SMPX: variants seen among roughly 807,000 people sequenced by gnomAD.
SMPX encodes the protein small muscle protein X-linked, also known as small muscular protein.
A neutral mutation model predicts 6.3 loss-of-function variants in SMPX; 2 were observed. The observed-to-expected ratio is 0.32, with a 90% confidence interval of 0.13 to 0.99. SMPX has a LOEUF of 0.99. SMPX is among the 50% of genes least tolerant of loss of function. SMPX has a pLI of 0.49. For missense variants in SMPX, 60 were observed against 66.8 expected, an observed-to-expected ratio of 0.90 and a Z score of 0.36; for synonymous variants, 32 against 24.7, an observed-to-expected ratio of 1.30 and a Z score of -0.88.
chrX:21,724,369 GTGTGTA>G (rs2014940601), intron 4 of SMPX, among the ~76,000 whole-genome samples: 1 of 112,502 alleles, frequency 8.9e-6, no homozygotes, highest in Non-Finnish European at 1.9e-5. Flanking sequence ...GTGCATGTGT[GTGTGTA>G]TGTGTATGTG....
chrX:21,754,210 T>G (rs750668242), intron 2 of SMPX, 36 bp downstream of exon 2: 2 of 1,173,403 alleles, frequency 1.7e-6, no homozygotes, highest in Non-Finnish European at 2.3e-6. Flanking sequence ...ATATGACTTA[T>G]TAAGCAACCA....
At chrX:21,748,291 C>A (rs1235903441) in intron 2 of SMPX, among the ~76,000 whole-genome samples, 1 of 111,986 alleles carries the variant, frequency 8.9e-6, no homozygotes, top group South Asian at 3.7e-4. Context: ...TCTACTTTGC[C>A]ACTGTTCTTC....
intron 4 of SMPX, among the ~76,000 whole-genome samples, chrX:21,715,297 TGTGTGTGCGCGCACGC>T (rs1050565507): frequency 1.0e-5 from 1 of 97,428 alleles, no homozygotes; most frequent in African/African-American, 5.0e-5. Context: ...TGTGTGTGTG[TGTGTGTGCGCGCACGC>T]GCGCGCGCTC....
At chrX:21,715,896 A>G (rs749303880) in intron 4 of SMPX, among the ~76,000 whole-genome samples, 75 of 111,359 alleles carry the variant, frequency 6.7e-4, no homozygotes, top group Non-Finnish European at 1.2e-3. Context: ...GCCTGGCCCA[A>G]TTGTCAATAG....
chrX:21,729,661 G>C (rs768778375), intron 4 of SMPX, among the ~76,000 whole-genome samples: 1 of 111,527 alleles, frequency 9.0e-6, no homozygotes, highest in Admixed American at 9.6e-5. Context: ...AATTGGGTTC[G>C]GAGTCACCTC....
At chrX:21,715,290 G>A (rs1213319772) in intron 4 of SMPX, among the ~76,000 whole-genome samples, 7 of 101,899 alleles carry the variant, frequency 6.9e-5, no homozygotes, top group African/African-American at 3.0e-4. Flanking sequence ...GTGTGTGTGT[G>A]TGTGTGTGTG....
At chrX:21,733,252 C>T (rs768307942) in intron 4 of SMPX, among the ~76,000 whole-genome samples, 2 of 111,946 alleles carry the variant, frequency 1.8e-5, no homozygotes, top group East Asian at 5.6e-4. Context: ...CCAACTCATT[C>T]TCATTTACTG....
rs138935347 is a variant in SMPX at position 21,718,432 on chromosome X, C to T, written c.*15-12038G>A. Among the ~76,000 whole-genome samples the T allele has an allele frequency of 2.5e-3, 286 of 112,160 alleles. 2 individuals are homozygous for T. Among genetic ancestry groups the T allele is most frequent in the Middle Eastern group, 0.014 (3 of 218 alleles). On this transcript the variant is annotated intron_variant, in intron 4 of 4. Transcript: ENST00000379494. The stretch of plus-strand genomic sequence containing the variant: ...TCACTGAAGCATTTCAGTTCCAGAT[C>T]TCAAACTTCCATCGAGGGCTGAGGA...
chrX:21,718,743 G>T (rs6633437), intron 4 of SMPX, among the ~76,000 whole-genome samples: 1 of 111,791 alleles, frequency 8.9e-6, no homozygotes, highest in African/African-American at 3.3e-5. Flanking sequence ...AAATGGAACT[G>T]AGGAGAGAAG....
At position 21,737,459 on chromosome X, in the gene SMPX, T is replaced by G; in HGVS notation, c.*14+90A>C. 3 of 834,782 alleles carry G rather than the reference T, an allele frequency of 3.6e-6. No homozygotes were observed. In the Admixed American group the frequency reaches 6.7e-5, roughly 19 times the overall value. 68.8% of individuals were successfully genotyped at this position (834,782 alleles called of 1,213,427 possible). A position where few individuals can be genotyped will look rare whatever the true frequency, so the allele number is the denominator to read the frequency against. ...AAGGCACCTGGTATTTAATGAACTC[T>G]TGTAGAATTCCAGATTTCTTCTGTG... On this transcript the variant is annotated intron_variant, in intron 4 of 4. Coordinates refer to ENST00000379494, the MANE Select transcript of SMPX (RefSeq NM_014332.3).
intron 1 of SMPX, among the ~76,000 whole-genome samples, chrX:21,756,308 A>T (rs924069385): frequency 8.9e-5 from 10 of 112,326 alleles, no homozygotes; most frequent in Non-Finnish European, 1.7e-4. Flanking sequence ...GTATTTTTTT[A>T]AAAACCAATT....
chrX:21,737,448 T>C (rs1422732941), intron 4 of SMPX, 101 bp downstream of exon 4: 20 of 781,379 alleles, frequency 2.6e-5, no homozygotes, highest in Non-Finnish European at 3.9e-5. Flanking sequence ...CACCTGGTAT[T>C]TAATGAACTC....
intron 4 of SMPX, among the ~76,000 whole-genome samples, chrX:21,707,588 G>A (rs1602095567): frequency 8.9e-6 from 1 of 112,275 alleles, no homozygotes; most frequent in Non-Finnish European, 1.9e-5. Context: ...TACCACTGTG[G>A]GTGGGGTATA....
intron 4 of SMPX, among the ~76,000 whole-genome samples, chrX:21,715,898 T>A (rs1272864980): frequency 1.8e-5 from 2 of 111,282 alleles, no homozygotes; most frequent in Non-Finnish European, 3.8e-5. Flanking sequence ...CTGGCCCAAT[T>A]GTCAATAGTG....
chrX:21,714,352 A>G (rs2092781972), intron 4 of SMPX, among the ~76,000 whole-genome samples: 1 of 112,144 alleles, frequency 8.9e-6, no homozygotes, highest in African/African-American at 3.3e-5. Context: ...TATACTGTAT[A>G]AATTATTTAT....
intron 4 of SMPX, among the ~76,000 whole-genome samples, chrX:21,718,260 C>T (rs1387887724): frequency 8.9e-6 from 1 of 112,295 alleles, no homozygotes; most frequent in Non-Finnish European, 1.9e-5. Flanking sequence ...AACAAGAATA[C>T]ATAGTGGATG....
intron 1 of SMPX, among the ~76,000 whole-genome samples, chrX:21,755,500 T>C (rs1275703999): frequency 8.9e-6 from 1 of 112,583 alleles, no homozygotes; most frequent in East Asian, 2.8e-4. Context: ...CTGTAAAGCA[T>C]GATGCAAATA....
intron 4 of SMPX, among the ~76,000 whole-genome samples, chrX:21,707,064 G>A (rs751792231): frequency 9.3e-6 from 1 of 107,195 alleles, no homozygotes; most frequent in Admixed American, 1.0e-4. Flanking sequence ...TCTGAAATTC[G>A]GTCTATTCTT....
At chrX:21,743,653 T>C in intron 3 of SMPX, 97 bp downstream of exon 3, 1 of 683,244 alleles carries the variant, frequency 1.5e-6, no homozygotes, top group South Asian at 2.2e-5. Flanking sequence ...CCCTCCCTTG[T>C]CCTGGATAGC....
Sources: gnomAD v4.1 joint callset for allele counts (sites outside exome capture counted in the v4.1 genomes callset) on GRCh38, gnomAD v4.1.1 for gene constraint, MANE v1.5 for transcripts, NCBI Gene and HGNC (gene_info 2026-07-23, HGNC 2026-07-21) for gene names.